Variants in PTPN21 observed in about 807,000 individuals in gnomAD.
PTPN21 encodes tyrosine-protein phosphatase non-receptor type 21.
In PTPN21, 77 loss-of-function variants were observed where a neutral mutation model predicts 131.8. The observed-to-expected ratio is 0.58, with a 90% CI of 0.49 to 0.71. The LOEUF (loss-of-function observed/expected upper bound fraction) is 0.71, where lower values mean the gene tolerates loss of function less well. Among genes scored for constraint, PTPN21 ranks in the 30% least tolerant of loss-of-function variants. The probability of loss-of-function intolerance (pLI) is 0.00; values close to 1 mark genes in which losing one functional copy is unlikely to be tolerated. For missense variants in PTPN21, 1,552 were observed against 1,527.1 expected (o/e 1.02, Z -0.27); for synonymous variants, 715 against 621.3 (o/e 1.15, Z -2.24).
At chr14:88,511,597 A>T (rs920022676) in intron 3 of PTPN21, among the ~76,000 whole-genome samples, 12 of 152,142 alleles carry the variant, frequency 7.9e-5, no homozygotes, top group African/African-American at 2.9e-4. Flanking sequence ...TGAACCCAGG[A>T]GTCGGATGTT....
At chr14:88,489,224 G>A (rs2077784667) in intron 10 of PTPN21, among the ~76,000 whole-genome samples, 1 of 152,168 alleles carries the variant, frequency 6.6e-6, no homozygotes, top group South Asian at 2.1e-4. Flanking sequence ...TTATTACTAA[G>A]CATTTACAGC....
intron 12 of PTPN21, among the ~76,000 whole-genome samples, chr14:88,482,954 C>T (rs2077674522): frequency 6.6e-6 from 1 of 151,846 alleles, no homozygotes; most frequent in Non-Finnish European, 1.5e-5. Flanking sequence ...GTGGCTCACA[C>T]CTGTAATCCC....
At chr14:88,514,710 C>T (rs1460992818) in intron 3 of PTPN21, among the ~76,000 whole-genome samples, 1 of 151,802 alleles carries the variant, frequency 6.6e-6, no homozygotes, top group African/African-American at 2.4e-5. Context: ...GTGATCTGGC[C>T]CCCTCAGCCT....
chr14:88,478,564 T>C (rs952138246), intron 13 of PTPN21, among the ~76,000 whole-genome samples: 1 of 152,232 alleles, frequency 6.6e-6, no homozygotes, highest in Admixed American at 6.5e-5. Context: ...ACAGTATTTT[T>C]AATGGGTGGC....
At chr14:88,478,347 T>G (rs2077578257) in intron 13 of PTPN21, among the ~76,000 whole-genome samples, 1 of 152,226 alleles carries the variant, frequency 6.6e-6, no homozygotes, top group South Asian at 2.1e-4. Flanking sequence ...TTAAGAAACC[T>G]GGACGTCTCA....
At chr14:88,474,010 C>A in intron 13 of PTPN21, 1 of 465,032 alleles carries the variant, frequency 2.2e-6, no homozygotes, top group Non-Finnish European at 3.7e-6. Context: ...CTGATAAAGT[C>A]TTCCAGATAG....
chr14:88,494,014 CA>C (rs2077865950), intron 10 of PTPN21, among the ~76,000 whole-genome samples: 1 of 152,080 alleles, frequency 6.6e-6, no homozygotes, highest in African/African-American at 2.4e-5. Flanking sequence ...AACCTGCTGG[CA>C]GGGGATACAG....
At chr14:88,492,410 A>G (rs931005873) in intron 10 of PTPN21, among the ~76,000 whole-genome samples, 1 of 152,198 alleles carries the variant, frequency 6.6e-6, no homozygotes, top group African/African-American at 2.4e-5. Context: ...AAATACACCC[A>G]GGCCCCTAGC....
At chr14:88,489,862 C>G (rs1051891190) in intron 10 of PTPN21, among the ~76,000 whole-genome samples, 1 of 152,018 alleles carries the variant, frequency 6.6e-6, no homozygotes, top group Non-Finnish European at 1.5e-5. Flanking sequence ...TGTTCACCCC[C>G]CTACCAAACC....
chr14:88,489,971 A>G (rs1033282026), intron 10 of PTPN21, among the ~76,000 whole-genome samples: 1 of 150,902 alleles, frequency 6.6e-6, no homozygotes. Flanking sequence ...ATGGAGGGAG[A>G]GGCCCTAGTG....
chr14:88,514,217 A>G (rs536844052), intron 3 of PTPN21, among the ~76,000 whole-genome samples: 47 of 152,204 alleles, frequency 3.1e-4, no homozygotes, highest in South Asian at 2.9e-3. Flanking sequence ...AGTTTCTATC[A>G]TTTCAAAATT....
intron 15 of PTPN21, 140 bp downstream of exon 15, chr14:88,472,104 A>G: frequency 1.6e-6 from 1 of 611,554 alleles, no homozygotes; most frequent in Non-Finnish European, 2.9e-6. Flanking sequence ...GTTTAAAACT[A>G]GGGTGTTTAT....
chr14:88,538,219 C>T (rs1213612334), intron 2 of PTPN21, among the ~76,000 whole-genome samples: 5 of 152,218 alleles, frequency 3.3e-5, no homozygotes, highest in Non-Finnish European at 5.9e-5. Context: ...AGCCTGGGCT[C>T]ATCACGAAAG....
chr14:88,544,889 G>A (rs1446174846), intron 2 of PTPN21, among the ~76,000 whole-genome samples: 3 of 151,996 alleles, frequency 2.0e-5, no homozygotes, highest in Admixed American at 6.5e-5. Context: ...GTACAGTGGC[G>A]CAGTCTCGGC....
In PTPN21 at chr14:88,496,395, T is replaced by G. The variant is rs772561111; in HGVS notation, c.932+18A>C. 2.0e-5 allele frequency: 32 copies of G among 1,578,160 alleles called. No individual in the cohort carries two copies. The South Asian group carries it at 2.8e-4, about 14-fold the overall frequency. ...AATTCATTATTTTTGATAATTTCCA[T>G]GAGCAGGACATACTTACAGGTTACA... On this transcript the variant is annotated intron_variant, in intron 10 of 18. Transcript: ENST00000556564.
intron 8 of PTPN21, among the ~76,000 whole-genome samples, chr14:88,499,771 A>G (rs1216887614): frequency 1.3e-5 from 2 of 152,250 alleles, no homozygotes; most frequent in Non-Finnish European, 2.9e-5. Flanking sequence ...TATAAAAACA[A>G]TATAAGCTTT....
intron 13 of PTPN21, among the ~76,000 whole-genome samples, chr14:88,476,532 A>G (rs1305707695): frequency 1.3e-5 from 2 of 152,344 alleles, no homozygotes; most frequent in East Asian, 3.9e-4. Context: ...ACACTGAATC[A>G]TGTAATTCAG....
intron 14 of PTPN21, 23 bp from the exon 15 acceptor site, chr14:88,472,488 TAAC>T (rs770213953): frequency 1.4e-6 from 2 of 1,449,014 alleles, no homozygotes; most frequent in African/African-American, 2.8e-5. Context: ...ATATGTGTAA[TAAC>T]ATGAATACAG....
intron 14 of PTPN21, among the ~76,000 whole-genome samples, chr14:88,472,989 C>T (rs567051623): frequency 6.6e-6 from 1 of 152,152 alleles, no homozygotes; most frequent in African/African-American, 2.4e-5. Flanking sequence ...GAAAATTGGC[C>T]TAAAGAAATT....
Sources: gnomAD v4.1 joint callset for allele counts (sites outside exome capture counted in the v4.1 genomes callset) on GRCh38, gnomAD v4.1.1 for gene constraint, MANE v1.5 for transcripts, NCBI Gene and HGNC (gene_info 2026-07-23, HGNC 2026-07-21) for gene names.